CXCR2: variants seen among roughly 807,000 people sequenced by gnomAD.
CXCR2 encodes the protein C-X-C chemokine receptor type 2.
In CXCR2, 2 loss-of-function variants were observed where a neutral mutation model predicts 3.7. The ratio of observed to expected loss-of-function variants is 0.55; its 90% CI spans 0.22 to 1.72. CXCR2 has a LOEUF of 1.72. Among genes scored for constraint, CXCR2 ranks in the 40% most tolerant of loss-of-function variants. The pLI, the probability that CXCR2 is intolerant of heterozygous loss-of-function variation, is 0.19. For synonymous variants in CXCR2, 203 were observed against 193.3 expected (o/e 1.05, Z -0.41); for missense variants, 351 against 450.1 (o/e 0.78, Z 1.99).
In CXCR2 at chr2:218,135,765, C is replaced by A. The variant is rs1298311873; in HGVS notation, c.964C>A (p.Arg322Ser). 1.2e-6 allele frequency: 2 copies of A among 1,613,976 alleles called. No homozygotes were observed. The highest frequency in any genetic ancestry group is 1.7e-6 in the Non-Finnish European group (2 of 1,180,032). Residue 322 changes from arginine to serine, a missense_variant, in exon 3 of 3, where the codon CGC becomes AGC. Transcript: ENST00000318507. This position sits in a 1 kb window ranked among gnomAD's most constrained non-coding sequence, Gnocchi z 4.0. ...LIYAFIGQKF[R>S]HGLLKILAIH... ...CTACGCCTTCATTGGCCAGAAGTTT[C>A]GCCATGGACTCCTCAAGATTCTAGC...
chr2:218,127,325 C>T (rs1341172235), intron 1 of CXCR2, among the ~76,000 whole-genome samples: 1 of 151,782 alleles, frequency 6.6e-6, no homozygotes, highest in Non-Finnish European at 1.5e-5. Context: ...CGGGGTTTCA[C>T]CATGTTGGCC....
rs370198012 is a variant in CXCR2 at position 218,135,890 on chromosome 2, C to T, written c.*6C>T. ...ACACTTCCACTACTCTCTAAGACCTCCTGCCTAAGTGCAGCCCCGTGGGGT... is the reference window on the plus strand; with the variant it reads ...ACACTTCCACTACTCTCTAAGACCTTCTGCCTAAGTGCAGCCCCGTGGGGT... On this transcript the variant is annotated 3_prime_UTR_variant, in exon 3 of 3. Transcript: ENST00000318507. The surrounding 1 kb of genome is among the most constrained non-coding windows in gnomAD (Gnocchi z 4.0). The T allele has an allele frequency of 1.7e-5, 27 of 1,600,196 alleles. No homozygotes were observed. Among genetic ancestry groups the T allele is most frequent in the Non-Finnish European group, 2.0e-5 (23 of 1,171,568 alleles).
At position 218,135,950 on chromosome 2, in the gene CXCR2, C is replaced by G. The variant is rs1050616337; in HGVS notation, c.*66C>G. 6.5e-7 allele frequency: 1 copy of G among 1,528,046 alleles called. No individual in the cohort carries two copies. The highest frequency in any genetic ancestry group is 2.3e-5 in the East Asian group (1 of 44,226). 94.7% of individuals were successfully genotyped at this position (1,528,046 alleles called of 1,614,324 possible). ...CTCTTCACAGTCACATTCCAAGCCTCATGTCCACTGGTTCTTCTTGGTCTC... is the reference window on the plus strand; with the variant it reads ...CTCTTCACAGTCACATTCCAAGCCTGATGTCCACTGGTTCTTCTTGGTCTC... On this transcript the variant is annotated 3_prime_UTR_variant, in exon 3 of 3. Coordinates refer to ENST00000318507, the MANE Select transcript of CXCR2 (RefSeq NM_001557.4). The surrounding 1 kb of genome is among the most constrained non-coding windows in gnomAD (Gnocchi z 4.0).
Position 218,136,949 on chromosome 2 carries a change from A to G in CXCR2, c.*1065A>G. ...GGGACTGAGGGGAGGGGAGCATGGGAAGTGACGGTTTAATGGGCACAGGGT... is the reference window on the plus strand; with the variant it reads ...GGGACTGAGGGGAGGGGAGCATGGGGAGTGACGGTTTAATGGGCACAGGGT... On this transcript the variant is annotated 3_prime_UTR_variant, in exon 3 of 3. Transcript: ENST00000318507. 1 of 167,372 alleles carries G rather than the reference A, an allele frequency of 6.0e-6. No homozygotes were observed. 10.4% of individuals were successfully genotyped at this position (167,372 alleles called of 1,614,324 possible).
At chr2:218,131,471 T>C (rs1298807398) in intron 2 of CXCR2, among the ~76,000 whole-genome samples, 7 of 18,042 alleles carry the variant, frequency 3.9e-4, no homozygotes, top group Admixed American at 2.8e-3. Flanking sequence ...CAATGTTAAC[T>C]TTTTTTTTTT....
intron 1 of CXCR2, among the ~76,000 whole-genome samples, chr2:218,128,486 C>G (rs1314569467): frequency 6.6e-6 from 1 of 152,170 alleles, no homozygotes; most frequent in Non-Finnish European, 1.5e-5. Context: ...TGTGAGACAG[C>G]AGAATTAGTG....
intron 2 of CXCR2, among the ~76,000 whole-genome samples, chr2:218,134,122 T>C (rs545389142): frequency 6.6e-6 from 1 of 152,342 alleles, no homozygotes; most frequent in South Asian, 2.1e-4. Context: ...AGAATACATC[T>C]TTTAAAATAA....
rs987808614 is a variant in CXCR2, at chr2:218,128,772, G to C, written c.-77-542G>C. ...GGACTTGTGGTCAGAGCAGATGGTT[G>C]GGGAGTGAGGGGAAAGACAAGAGGC... On this transcript the variant is annotated intron_variant, in intron 1 of 2. Coordinates refer to ENST00000318507, the MANE Select transcript of CXCR2 (RefSeq NM_001557.4). Among the ~76,000 whole-genome samples, 5 of 152,272 alleles carry C rather than the reference G, an allele frequency of 3.3e-5. No individual in the cohort carries two copies. The East Asian group carries it at 7.7e-4, about 24-fold the overall frequency.
At chr2:218,128,762 G>C (rs535445099) in intron 1 of CXCR2, among the ~76,000 whole-genome samples, 2 of 152,302 alleles carry the variant, frequency 1.3e-5, no homozygotes, top group African/African-American at 2.4e-5. Flanking sequence ...TGTGGTCAGA[G>C]CAGATGGTTG....
At chr2:218,133,939 C>G (rs1690715172) in intron 2 of CXCR2, among the ~76,000 whole-genome samples, 1 of 152,246 alleles carries the variant, frequency 6.6e-6, no homozygotes, top group South Asian at 2.1e-4. Flanking sequence ...CAGGGAGAAT[C>G]AGGCAGCCCG....
Position 218,135,614 on chromosome 2 carries a change from G to C in CXCR2, c.813G>C (p.Leu271=). 6.2e-7 allele frequency: 1 copy of C among 1,614,088 alleles called. No homozygotes were observed. The highest frequency in any genetic ancestry group is 8.5e-7 in the Non-Finnish European group (1 of 1,180,020). Residue 271 remains leucine, a synonymous_variant, in exon 3 of 3, where the codon CTG becomes CTC. Transcript: ENST00000318507. The surrounding 1 kb of genome is among the most constrained non-coding windows in gnomAD (Gnocchi z 4.0). ...LLCWLPYNLV[L]LADTLMRTQV... ...GCTGGCTGCCCTACAACCTGGTCCT[G>C]CTGGCAGACACCCTCATGAGGACCC...
At chr2:218,129,441 A>G (rs1182531049) in intron 2 of CXCR2, 76 bp downstream of exon 2, 3 of 152,046 alleles carry the variant, frequency 2.0e-5, no homozygotes, top group African/African-American at 7.3e-5. Flanking sequence ...CCCAGCCTAC[A>G]TTTATCCTAA....
rs774914864 is a variant in CXCR2, at chr2:218,134,877, A to G, written c.76A>G (p.Ser26Gly). The G allele has an allele frequency of 1.2e-6, 2 of 1,614,192 alleles. No individual in the cohort carries two copies. The highest frequency in any genetic ancestry group is 2.2e-5 in the South Asian group (2 of 91,082). The change falls in exon 3 of 3, where the codon AGC becomes GGC. Residue 26 changes from serine (S) to glycine (G), a missense_variant. Coordinates refer to ENST00000318507, the MANE Select transcript of CXCR2 (RefSeq NM_001557.4). ...TGAAGATCTTAGTAATTACAGTTACAGCTCTACCCTGCCCCCTTTTCTACT... is the reference window on the plus strand; with the variant it reads ...TGAAGATCTTAGTAATTACAGTTACGGCTCTACCCTGCCCCCTTTTCTACT... Reference protein sequence around the residue: ...KGEDLSNYSYSSTLPPFLLDA... With the variant: ...KGEDLSNYSYGSTLPPFLLDA...
chr2:218,131,320 G>A (rs1442550532), intron 2 of CXCR2, among the ~76,000 whole-genome samples: 2 of 152,148 alleles, frequency 1.3e-5, no homozygotes, highest in Non-Finnish European at 2.9e-5. Context: ...CTGAGGAGCT[G>A]GTGACTTCTT....
In CXCR2 at chr2:218,134,479, G is replaced by T. The variant is rs368876737; in HGVS notation, c.-25-298G>T. 1.9e-4 allele frequency among the ~76,000 whole-genome samples: 29 copies of T among 152,256 alleles called. No individual in the cohort carries two copies. The South Asian group carries it at 4.4e-3, about 23-fold the overall frequency. On this transcript the variant is annotated intron_variant, in intron 2 of 2. Transcript: ENST00000318507. ...ACTGAAGGATCCAGGTAGTATTGAG[G>T]GTTCTGTGGGGATTATCCAAAGAGA...
intron 2 of CXCR2, chr2:218,130,966 C>G (rs560683984): frequency 6.6e-6 from 1 of 152,566 alleles, no homozygotes; most frequent in Non-Finnish European, 1.5e-5. Context: ...ACACCTCCAG[C>G]CCACCCCCAG....
In CXCR2 at chr2:218,126,133, A is replaced by C. The variant is rs1690502174; in HGVS notation, c.-298A>C. ...AATCCCCAGCACTCATCCCAGAATC[A>C]CTAAGTGGCACCTGTCCTGGGCCAA... On this transcript the variant is annotated 5_prime_UTR_variant, in exon 1 of 3. Transcript: ENST00000318507. 1 of 152,370 alleles carries C rather than the reference A, an allele frequency of 6.6e-6. No homozygotes were observed. The highest frequency in any genetic ancestry group is 1.5e-5 in the Non-Finnish European group (1 of 68,074). The allele number at this position is 152,370 out of a possible 1,614,324, so 9.4% of individuals were successfully genotyped here. A position where few individuals can be genotyped will look rare whatever the true frequency, so the allele number is the denominator to read the frequency against.
Position 218,135,229 on chromosome 2 carries a change from A to T in CXCR2, c.428A>T (p.Asp143Val), listed in dbSNP as rs1690755887. ...GILLLACISV[D>V]RYLAIVHATR... ...CTGCTACTGGCCTGCATCAGTGTGG[A>T]CCGTTACCTGGCCATTGTCCATGCC... Residue 143 changes from aspartate to valine, a missense_variant, in exon 3 of 3, where the codon GAC becomes GTC. Transcript: ENST00000318507. This position sits in a 1 kb window ranked among gnomAD's most constrained non-coding sequence, Gnocchi z 4.0. 6.2e-7 allele frequency: 1 copy of T among 1,614,028 alleles called. No homozygotes were observed. Among genetic ancestry groups the T allele is most frequent in the Non-Finnish European group, 8.5e-7 (1 of 1,180,044 alleles).
intron 2 of CXCR2, among the ~76,000 whole-genome samples, chr2:218,134,093 A>G (rs1012990731): frequency 5.3e-5 from 8 of 152,240 alleles, no homozygotes; most frequent in South Asian, 2.1e-4. Flanking sequence ...CCATGCCACA[A>G]TTGTTCAAAC....
Sources: allele counts gnomAD v4.1 joint callset (sites outside exome capture counted in the v4.1 genomes callset), GRCh38; gene constraint gnomAD v4.1.1; non-coding constraint Gnocchi (gnomAD v3.1); transcripts MANE v1.5; gene names NCBI Gene and HGNC (gene_info 2026-07-23, HGNC 2026-07-21).